The following DIAPH2 variants were observed in gnomAD, a reference collection of about 807,000 sequenced individuals.
DIAPH2 encodes the protein protein diaphanous homolog 2.
Under a neutral mutation model 92.7 loss-of-function variants are expected in DIAPH2, and 35 were observed. That is an observed-to-expected ratio of 0.38 (90% CI 0.29 to 0.50). DIAPH2 has a LOEUF of 0.50. Ranked by LOEUF, DIAPH2 falls within the 20% of genes least tolerant of loss-of-function variation. The pLI is 0.94. For missense variants in DIAPH2, 701 were observed against 819.5 expected, an observed-to-expected ratio of 0.86 and a Z score of 1.77; for synonymous variants, 301 against 280.4, an observed-to-expected ratio of 1.07 and a Z score of -0.73.
intron 23 of DIAPH2, among the ~76,000 whole-genome samples, chrX:97,296,921 G>A (rs183110668): frequency 0.014 from 1,528 of 109,569 alleles, 30 homozygotes; most frequent in African/African-American, 0.048. Context: ...GGGATTACAG[G>A]CATGCGCCAC....
rs1029781686 is a variant in DIAPH2, at chrX:97,351,796, C to T, written c.3009+3516C>T. On this transcript the variant is annotated intron_variant, in intron 24 of 26. Coordinates refer to ENST00000324765, the MANE Select transcript of DIAPH2 (RefSeq NM_006729.5). ...CCAGCCTGGGCGACAGAGAGAGACT[C>T]CGTCTCAAAACAAAACAAAACAAAA... 4.5e-5 allele frequency among the ~76,000 whole-genome samples: 5 copies of T among 110,597 alleles called. 1 individual carries two copies. The highest frequency in any genetic ancestry group is 3.9e-4 in the Admixed American group (4 of 10,383).
chrX:97,176,078 T>G (rs769730218), intron 22 of DIAPH2, among the ~76,000 whole-genome samples: 2 of 111,975 alleles, frequency 1.8e-5, no homozygotes, highest in African/African-American at 3.2e-5. Flanking sequence ...ACTTATAGAA[T>G]TGCAGGGTAA....
At position 96,699,743 on chromosome X, in the gene DIAPH2, G is replaced by A. The variant is rs1051492006; in HGVS notation, c.132+14553G>A. On this transcript the variant is annotated intron_variant, in intron 1 of 26. Coordinates refer to ENST00000324765, the MANE Select transcript of DIAPH2 (RefSeq NM_006729.5). ...GGGTCAGCTAATCCCTGTCTTCATGGAAGCATGGTTTGTTTCATTGATTCC... is the reference window on the plus strand; with the variant it reads ...GGGTCAGCTAATCCCTGTCTTCATGAAAGCATGGTTTGTTTCATTGATTCC... Among the ~76,000 whole-genome samples, 3 of 111,421 alleles carry A rather than the reference G, an allele frequency of 2.7e-5. No homozygotes were observed. The Admixed American group carries it at 2.9e-4, about 11-fold the overall frequency.
intron 1 of DIAPH2, among the ~76,000 whole-genome samples, chrX:96,727,259 G>A (rs1182577810): frequency 1.8e-5 from 2 of 112,096 alleles, no homozygotes; most frequent in Non-Finnish European, 3.8e-5. Context: ...GGCTTGAAAG[G>A]TTTCAAATAA....
In DIAPH2 at chrX:97,530,481, C is replaced by T. The variant is rs73632890; in HGVS notation, c.3242-68772C>T. On this transcript the variant is annotated intron_variant, in intron 26 of 26. Transcript: ENST00000324765. ...AAGACTGCAACTTCACCTATTTGTT[C>T]GTTGATTCCTTGATTAGATTAAGGT... is the stretch of plus-strand genomic sequence containing the variant. Among the ~76,000 whole-genome samples the T allele has an allele frequency of 5.1e-3, 570 of 111,573 alleles. 1 individual carries two copies. Among genetic ancestry groups the T allele is most frequent in the African/African-American group, 0.018 (552 of 30,735 alleles).
chrX:96,869,551 T>TACTACC (rs1289827670), intron 4 of DIAPH2, among the ~76,000 whole-genome samples: 12 of 69,960 alleles, frequency 1.7e-4, no homozygotes, highest in Non-Finnish European at 3.1e-4. Flanking sequence ...ATACTGCTAC[T>TACTACC]ACTACCACTA....
At chrX:97,460,746 C>T (rs1384293006) in intron 26 of DIAPH2, among the ~76,000 whole-genome samples, 1 of 111,078 alleles carries the variant, frequency 9.0e-6, no homozygotes, top group East Asian at 2.8e-4. Flanking sequence ...TTCCTTGTGG[C>T]TAAAAAAAAT....
chrX:97,069,237 A>G (rs1357699256), intron 17 of DIAPH2, among the ~76,000 whole-genome samples: 1 of 111,336 alleles, frequency 9.0e-6, no homozygotes, highest in Non-Finnish European at 1.9e-5. Context: ...TGTTGAGATT[A>G]CACCCAGCCT....
intron 1 of DIAPH2, among the ~76,000 whole-genome samples, chrX:96,692,586 T>C (rs2063803481): frequency 8.9e-6 from 1 of 112,033 alleles, no homozygotes; most frequent in Non-Finnish European, 1.9e-5. Context: ...AAAGGTTGAC[T>C]ATACAAGGGT....
At chrX:97,001,399 C>T (rs1381086941) in intron 17 of DIAPH2, among the ~76,000 whole-genome samples, 3 of 112,122 alleles carry the variant, frequency 2.7e-5, no homozygotes, top group Non-Finnish European at 5.6e-5. Context: ...AATCCCAGCA[C>T]TTTGGGAGGC....
chrX:96,719,362 T>C (rs2063975328), intron 1 of DIAPH2, among the ~76,000 whole-genome samples: 1 of 112,221 alleles, frequency 8.9e-6, no homozygotes, highest in Admixed American at 9.4e-5. Flanking sequence ...CTTTGCCCGG[T>C]CCAATGTCCT....
At chrX:97,511,101 A>G (rs1421796447) in intron 26 of DIAPH2, among the ~76,000 whole-genome samples, 1,921 of 101,088 alleles carry the variant, frequency 0.019, 49 homozygotes, top group African/African-American at 0.065. Context: ...TACCTTGGGA[A>G]GTATGGCCAT....
intron 22 of DIAPH2, among the ~76,000 whole-genome samples, chrX:97,177,597 T>C (rs1412339944): frequency 1.8e-5 from 2 of 110,147 alleles, no homozygotes; most frequent in Non-Finnish European, 3.8e-5. Context: ...TTTTCCTTCA[T>C]TACTGCATTT....
Position 96,715,991 on chromosome X carries a change from T to C in DIAPH2, c.133-19767T>C, listed in dbSNP as rs187484302. Among the ~76,000 whole-genome samples, 15 of 109,646 alleles carry C rather than the reference T, an allele frequency of 1.4e-4. No individual in the cohort carries two copies. In the East Asian group the frequency reaches 4.3e-3, roughly 32 times the overall value. ...TTTATTGTGCTTTGAGTACCTCTCC[T>C]CTGGACCAGGTCAACCATACAACTC... On this transcript the variant is annotated intron_variant, in intron 1 of 26. Transcript: ENST00000324765.
chrX:96,753,414 C>T (rs752547335), intron 3 of DIAPH2, among the ~76,000 whole-genome samples: 1 of 111,677 alleles, frequency 9.0e-6, no homozygotes, highest in Non-Finnish European at 1.9e-5. Flanking sequence ...GACATTCTTT[C>T]CTACCTTGCA....
chrX:97,492,909 A>C (rs747566809), intron 26 of DIAPH2, among the ~76,000 whole-genome samples: 1 of 112,450 alleles, frequency 8.9e-6, no homozygotes, highest in Non-Finnish European at 1.9e-5. Context: ...TTTGGGCTTC[A>C]TGAATCTGGA....
At chrX:97,350,794 T>C (rs970174430) in intron 24 of DIAPH2, among the ~76,000 whole-genome samples, 1 of 112,244 alleles carries the variant, frequency 8.9e-6, no homozygotes, top group Admixed American at 9.5e-5. Flanking sequence ...TCATATATAT[T>C]ACATACATAT....
At chrX:96,840,568 G>C (rs1325393991) in intron 4 of DIAPH2, among the ~76,000 whole-genome samples, 1 of 110,953 alleles carries the variant, frequency 9.0e-6, no homozygotes, top group African/African-American at 3.3e-5. Context: ...TTTCTCTCTT[G>C]AAGTAGCCTT....
At chrX:97,185,481 A>G (rs1179355974) in intron 22 of DIAPH2, among the ~76,000 whole-genome samples, 58 of 5,629 alleles carry the variant, frequency 0.01, 2 homozygotes, top group Non-Finnish European at 0.016. Flanking sequence ...ACACATATAT[A>G]TATATATATA....
Sources: gnomAD v4.1 joint callset for allele counts (sites outside exome capture counted in the v4.1 genomes callset) on GRCh38, gnomAD v4.1.1 for gene constraint, MANE v1.5 for transcripts, NCBI Gene and HGNC (gene_info 2026-07-23, HGNC 2026-07-21) for gene names.